Variants in PRRC2B observed in about 807,000 individuals in gnomAD.
The protein encoded by PRRC2B is proline rich coiled-coil 2B, also known as protein PRRC2B.
Under a neutral mutation model 242.3 loss-of-function variants are expected in PRRC2B, and 68 were observed. The observed-to-expected ratio is 0.28, with a 90% CI of 0.23 to 0.34. The LOEUF is 0.34. Among genes scored for constraint, PRRC2B ranks in the 10% least tolerant of loss-of-function variants. The probability of loss-of-function intolerance (pLI) is 1.00; values close to 1 mark genes in which losing one functional copy is unlikely to be tolerated. For synonymous variants in PRRC2B, 1,228 were observed against 1,173.6 expected (o/e 1.05, Z -0.95); for missense variants, 2,835 against 2,954.8 (o/e 0.96, Z 0.94).
At chr9:131,443,108 TTTTA>T (rs1314583803) in intron 5 of PRRC2B, among the ~76,000 whole-genome samples, 4 of 147,786 alleles carry the variant, frequency 2.7e-5, no homozygotes, top group African/African-American at 5.0e-5. Flanking sequence ...GTTTATTTTA[TTTTA>T]TTTATTTTAT....
chr9:131,391,915 A>G (rs1326826183), upstream of PRRC2B, among the ~76,000 whole-genome samples: 1 of 151,456 alleles, frequency 6.6e-6, no homozygotes, highest in Non-Finnish European at 1.5e-5. Context: ...TAATTTTTGT[A>G]TTTTTAGTAG....
rs1448605332 is a variant in PRRC2B at position 131,459,203 on chromosome 9, G to C, written c.1251G>C (p.Met417Ile). 1.2e-6 allele frequency: 2 copies of C among 1,613,894 alleles called. No homozygotes were observed. The highest frequency in any genetic ancestry group is 2.7e-5 in the African/African-American group (2 of 74,926). The change falls in exon 11 of 32, where the codon ATG (methionine) becomes ATC (isoleucine). Residue 417 changes from methionine to isoleucine, a missense_variant. Transcript: ENST00000683519. ...WDPRRQRQLS[M>I]SSADSADAKR... ...CTAGGAGGCAGCGGCAGTTGTCAAT[G>C]AGCTCTGCAGACAGTGCGGACGCTA... is the stretch of plus-strand genomic sequence containing the variant.
chr9:131,412,472 G>GTGCA (rs1225564337), intron 1 of PRRC2B, among the ~76,000 whole-genome samples: 1 of 148,524 alleles, frequency 6.7e-6, no homozygotes, highest in African/African-American at 2.4e-5. Flanking sequence ...GGGTATGTGC[G>GTGCA]TGCGTGCGTG....
intron 1 of PRRC2B, among the ~76,000 whole-genome samples, chr9:131,375,469 G>C (rs1284409891): frequency 1.3e-5 from 2 of 152,114 alleles, no homozygotes; most frequent in African/African-American, 4.8e-5. Context: ...TGTGAGGATT[G>C]AATGAGTTAT....
At chr9:131,416,099 C>T (rs903082623) in intron 1 of PRRC2B, among the ~76,000 whole-genome samples, 2 of 150,584 alleles carry the variant, frequency 1.3e-5, no homozygotes, top group East Asian at 1.9e-4. Context: ...ACCTCTTCTT[C>T]GTTTTCTTTT....
chr9:131,389,915 G>GTTTTTTT (rs1291046977), upstream of PRRC2B, among the ~76,000 whole-genome samples: 19 of 93,468 alleles, frequency 2.0e-4, no homozygotes, highest in East Asian at 4.4e-4. Flanking sequence ...GAACATGGTT[G>GTTTTTTT]TTTTTTTTTT....
In PRRC2B at chr9:131,476,265, A is replaced by C. The variant is rs1943695604; in HGVS notation, c.4136A>C (p.Glu1379Ala). The change falls in exon 16 of 32, where the codon GAA (glutamate) becomes GCA (alanine). Residue 1379 changes from glutamate (E) to alanine (A), a missense_variant. Transcript: ENST00000683519. The stretch of plus-strand genomic sequence containing the variant: ...AATGAGGAGTGGGAGACGGCCTCCG[A>C]AAGCAGCGACTTCAGCGAGCGGCGG... Reference protein sequence around the residue: ...HANEEWETASESSDFSERRER... With the variant: ...HANEEWETASASSDFSERRER... 3 of 1,611,404 alleles carry C rather than the reference A, an allele frequency of 1.9e-6. No individual in the cohort carries two copies. Among genetic ancestry groups the C allele is most frequent in the Non-Finnish European group, 2.5e-6 (3 of 1,178,812 alleles).
chr9:131,436,133 T>G (rs1838360818), intron 3 of PRRC2B, among the ~76,000 whole-genome samples: 1 of 152,200 alleles, frequency 6.6e-6, no homozygotes, highest in Non-Finnish European at 1.5e-5. Flanking sequence ...AAATCCTTCA[T>G]TTGCATTGTT....
rs895321791 is a variant in PRRC2B at position 131,497,437 on chromosome 9, CAGAGGAGGCTGGCTCAGAACACCT to C, written c.*1572_*1595del. The stretch of plus-strand genomic sequence containing the variant: ...GTCACTGAGCGTCTACCTCCTCCTC[CAGAGGAGGCTGGCTCAGAACACCT>C]AGAGGAGGGGGCCGGGGATGCACCC... On this transcript the variant is annotated 3_prime_UTR_variant, in exon 32 of 32. Coordinates refer to ENST00000683519, the MANE Select transcript of PRRC2B (RefSeq NM_013318.4). 1 of 152,238 alleles carries C rather than the reference CAGAGGAGGCTGGCTCAGAACACCT, an allele frequency of 6.6e-6. No homozygotes were observed. Among genetic ancestry groups the C allele is most frequent in the Non-Finnish European group, 1.5e-5 (1 of 68,060 alleles). The allele number at this position is 152,238 out of a possible 1,614,324, so 9.4% of individuals were successfully genotyped here. A position where few individuals can be genotyped will look rare whatever the true frequency, so the allele number is the denominator to read the frequency against.
rs1296293528 is a variant in PRRC2B at position 131,465,049 on chromosome 9, C to A, written c.1691C>A (p.Pro564His). The A allele has an allele frequency of 6.2e-7, 1 of 1,613,722 alleles. No individual in the cohort carries two copies. The highest frequency in any genetic ancestry group is 1.7e-5 in the Admixed American group (1 of 60,010). The part of the protein sequence containing the change: ...PWSPSAEKAS[P>H]QENGPAVHKG... ...TCTCCAAGTGCTGAGAAGGCATCTC[C>A]CCAGGAAAACGGCCCTGCTGTCCAC... The change falls in exon 12 of 32, where the codon CCC becomes CAC. Residue 564 changes from proline to histidine, a missense_variant. Coordinates refer to ENST00000683519, the MANE Select transcript of PRRC2B (RefSeq NM_013318.4).
chr9:131,385,583 C>A (rs962330606), intron 1 of PRRC2B, among the ~76,000 whole-genome samples: 3 of 150,650 alleles, frequency 2.0e-5, no homozygotes, highest in African/African-American at 7.3e-5. Flanking sequence ...TAACTTCTGA[C>A]CTAAATTTCC....
chr9:131,381,708 C>T (rs369413496), intron 1 of PRRC2B, among the ~76,000 whole-genome samples: 28 of 151,096 alleles, frequency 1.9e-4, no homozygotes, highest in Non-Finnish European at 3.8e-4. Context: ...CGTGAGCCAC[C>T]GCGCCTGGCC....
intron 10 of PRRC2B, among the ~76,000 whole-genome samples, 177 bp from the exon 11 acceptor site, chr9:131,458,987 G>A (rs902999839): frequency 1.3e-5 from 2 of 152,188 alleles, no homozygotes; most frequent in African/African-American, 4.8e-5. Flanking sequence ...AGAGTGACTT[G>A]ATAAATGGTG....
chr9:131,495,565 C>T (rs981327125), intron 31 of PRRC2B, among the ~76,000 whole-genome samples, 175 bp from the exon 32 acceptor site: 3 of 152,132 alleles, frequency 2.0e-5, no homozygotes, highest in African/African-American at 7.2e-5. Context: ...ACGGCACTCG[C>T]GCCACTTTCC....
intron 1 of PRRC2B, among the ~76,000 whole-genome samples, chr9:131,387,207 G>C (rs1836837445): frequency 6.7e-6 from 1 of 150,158 alleles, no homozygotes; most frequent in South Asian, 2.1e-4. Context: ...CTCCATGTTG[G>C]TCAGGCTGGT....
chr9:131,455,742 CTGGG>C, intron 10 of PRRC2B, among the ~76,000 whole-genome samples: 1 of 152,054 alleles, frequency 6.6e-6, no homozygotes, highest in Non-Finnish European at 1.5e-5. Flanking sequence ...TCTCAAACTC[CTGGG>C]CTCAAGTGAT....
rs914260692 is a variant in PRRC2B at position 131,482,307 on chromosome 9, G to A, written c.4984-64G>A. On this transcript the variant is annotated intron_variant, in intron 20 of 31. Transcript: ENST00000683519. This position sits in a 1 kb window ranked among gnomAD's most constrained non-coding sequence, Gnocchi z 5.2. ...TAGAAAAGTCTCTGTGCCACATGCA[G>A]TTTTACTCTCTGGATAATCGAGTTG... 58 of 1,499,494 alleles carry A rather than the reference G, an allele frequency of 3.9e-5. No homozygotes were observed. In the African/African-American group the frequency reaches 7.5e-4, roughly 20 times the overall value. The allele number at this position is 1,499,494 out of a possible 1,614,324, so 92.9% of individuals were successfully genotyped here. A position where few individuals can be genotyped will look rare whatever the true frequency, so the allele number is the denominator to read the frequency against.
chr9:131,415,692 C>T (rs138288262), intron 1 of PRRC2B, among the ~76,000 whole-genome samples: 7 of 152,256 alleles, frequency 4.6e-5, no homozygotes, highest in African/African-American at 1.7e-4. Context: ...AAGAAGTCTC[C>T]ATCATTGTTG....
Position 131,475,503 on chromosome 9 carries a change from A to C in PRRC2B, c.3374A>C (p.Lys1125Thr). 2 of 1,607,408 alleles carry C rather than the reference A, an allele frequency of 1.2e-6. No homozygotes were observed. Among genetic ancestry groups the C allele is most frequent in the Non-Finnish European group, 1.7e-6 (2 of 1,176,738 alleles). The change falls in exon 16 of 32, where the codon AAG becomes ACG. Residue 1125 changes from lysine to threonine, a missense_variant. By Grantham distance (78) the Lys-to-Thr change is moderately conservative (BLOSUM62 -1). Transcript: ENST00000683519. ...FARPEDCPRAKPRRRVASETH... is the reference protein window; with the variant it reads ...FARPEDCPRATPRRRVASETH... ...CGGCCAGAGGACTGCCCCAGAGCCA[A>C]GCCCCGACGGAGAGTTGCCAGTGAG...
Sources: allele counts gnomAD v4.1 joint callset (sites outside exome capture counted in the v4.1 genomes callset), GRCh38; gene constraint gnomAD v4.1.1; non-coding constraint Gnocchi (gnomAD v3.1); transcripts MANE v1.5; gene names NCBI Gene and HGNC (gene_info 2026-07-23, HGNC 2026-07-21).